Variants in SLBP observed in about 807,000 individuals in gnomAD.
SLBP encodes the protein stem-loop histone mRNA binding protein.
SLBP carries 29 observed loss-of-function variants against 39.2 expected under a neutral mutation model. The observed-to-expected ratio is 0.74, with a 90% CI of 0.55 to 1.01. The LOEUF (loss-of-function observed/expected upper bound fraction) is 1.01, where lower values mean the gene tolerates loss of function less well. Ranked by LOEUF, SLBP falls within the 50% of genes least tolerant of loss-of-function variation. SLBP has a pLI of 0.00. For missense variants in SLBP, 390 were observed against 350.2 expected, an observed-to-expected ratio of 1.11 and a Z score of -0.91; for synonymous variants, 129 against 118.7, an observed-to-expected ratio of 1.09 and a Z score of -0.57.
chr4:1,701,143 T>A (rs1166230555), intron 3 of SLBP, among the ~76,000 whole-genome samples: 1 of 128,726 alleles, frequency 7.8e-6, no homozygotes, highest in Non-Finnish European at 1.8e-5. Flanking sequence ...TTTTCTTTTT[T>A]TTCTTTTTTT....
At chr4:1,700,493 T>A (rs1272980303) in intron 3 of SLBP, among the ~76,000 whole-genome samples, 4 of 151,532 alleles carry the variant, frequency 2.6e-5, no homozygotes, top group Non-Finnish European at 5.9e-5. Context: ...AAGTATGACA[T>A]CTCCAAAAGG....
intron 2 of SLBP, 47 bp downstream of exon 2, chr4:1,711,827 C>G (rs1281622528): frequency 1.9e-6 from 2 of 1,078,756 alleles, no homozygotes; most frequent in East Asian, 3.3e-5. Context: ...AGCCCGCGGC[C>G]TCGTCAAGGG....
chr4:1,699,650 A>T lies in SLBP; in HGVS notation c.393T>A (p.Asp131Glu). ...MSTVPADFET[D>E]ESVLMRRQKQ... ...TCTGTCTCCTCATTAGGACACTTTC[A>T]TCTGTCTCAAAGTCAGCCGGCACAG... The change falls in exon 5 of 8, where the codon GAT becomes GAA. Residue 131 changes from aspartate to glutamate, a missense_variant. Physicochemically the swap from Asp to Glu is conservative, Grantham distance 45 (BLOSUM62 2). Transcript: ENST00000489418. 1 of 1,613,600 alleles carries T rather than the reference A, an allele frequency of 6.2e-7. No homozygotes were observed. The highest frequency in any genetic ancestry group is 8.5e-7 in the Non-Finnish European group (1 of 1,179,518).
At chr4:1,700,419 T>C (rs1716280936) in intron 3 of SLBP, among the ~76,000 whole-genome samples, 1 of 152,146 alleles carries the variant, frequency 6.6e-6, no homozygotes, top group Non-Finnish European at 1.5e-5. Flanking sequence ...TTGTTCCTCA[T>C]GAACTTCCTG....
intron 2 of SLBP, among the ~76,000 whole-genome samples, chr4:1,709,634 C>G (rs1424372430): frequency 6.9e-6 from 1 of 144,036 alleles, no homozygotes; most frequent in Non-Finnish European, 1.5e-5. Flanking sequence ...TTTTTTGAGA[C>G]GGAGTCTCGC....
chr4:1,696,139 G>A (rs1021184333), intron 6 of SLBP, 63 bp downstream of exon 6: 84 of 1,412,432 alleles, frequency 5.9e-5, no homozygotes, highest in Middle Eastern at 1.9e-4. Context: ...CCAGTGGTGC[G>A]CAGCTGCTCC....
At chr4:1,698,609 C>T (rs1306694949) in intron 5 of SLBP, among the ~76,000 whole-genome samples, 2 of 150,624 alleles carry the variant, frequency 1.3e-5, no homozygotes, top group Non-Finnish European at 3.0e-5. Flanking sequence ...CTCAGCCTCC[C>T]GAGTAGCTGG....
chr4:1,694,945 C>A lies in SLBP; in HGVS notation c.630-105G>T, dbSNP rs371833752. The A allele has an allele frequency of 5.5e-4, 439 of 794,850 alleles. 5 individuals are homozygous for A. In the South Asian group the frequency reaches 5.9e-3, roughly 11 times the overall value. 49.2% of individuals were successfully genotyped at this position (794,850 alleles called of 1,614,324 possible). A position where few individuals can be genotyped will look rare whatever the true frequency, so the allele number is the denominator to read the frequency against. On this transcript the variant is annotated intron_variant, in intron 6 of 7. Coordinates refer to ENST00000489418, the MANE Select transcript of SLBP (RefSeq NM_006527.4). ...CCATATGGTACAGCCACAACACTGA[C>A]AGTGTGCCCGAGGCTCCCTGAGGGG...
intron 3 of SLBP, among the ~76,000 whole-genome samples, chr4:1,702,795 T>C (rs1716373558): frequency 6.6e-6 from 1 of 152,172 alleles, no homozygotes; most frequent in African/African-American, 2.4e-5. Flanking sequence ...GAATCCAAGT[T>C]TGAGACCTTT....
chr4:1,709,298 T>A (rs1263980671), intron 2 of SLBP, among the ~76,000 whole-genome samples: 1 of 152,152 alleles, frequency 6.6e-6, no homozygotes, highest in Admixed American at 6.5e-5. Context: ...AAGCTGGCCA[T>A]AAAAATATGG....
chr4:1,702,267 C>T (rs1256548903), intron 3 of SLBP, among the ~76,000 whole-genome samples: 1 of 152,210 alleles, frequency 6.6e-6, no homozygotes, highest in East Asian at 1.9e-4. Flanking sequence ...ACTAAAAACA[C>T]TGGTACTCTC....
At chr4:1,701,377 T>A (rs1194280500) in intron 3 of SLBP, among the ~76,000 whole-genome samples, 1 of 151,998 alleles carries the variant, frequency 6.6e-6, no homozygotes, top group Non-Finnish European at 1.5e-5. Context: ...GAACTCCTGA[T>A]CTCAGGTGAT....
At chr4:1,698,473 TAAA>T (rs552892557) in intron 5 of SLBP, among the ~76,000 whole-genome samples, 6,684 of 124,660 alleles carry the variant, frequency 0.054, 312 homozygotes, top group African/African-American at 0.12. Context: ...TCCAAAAAAG[TAAA>T]AAAAAAAAAA....
intron 2 of SLBP, among the ~76,000 whole-genome samples, chr4:1,708,247 C>T (rs2108664533): frequency 6.6e-6 from 1 of 152,196 alleles, no homozygotes; most frequent in East Asian, 1.9e-4. Context: ...TATGCCCCGT[C>T]ACAAAAAAAT....
rs34503092 is a variant in SLBP, at chr4:1,711,051, TAAA to T, written c.176+820_176+822del. Reference sequence around the variant, plus strand: ...GTGAGACAGAGTGAGACCCTGTCTTTAAAAAAAAAAAAAAAAAAAAAAAAGTAA... The same window carrying T: ...GTGAGACAGAGTGAGACCCTGTCTTTAAAAAAAAAAAAAAAAAAAAAGTAA... On this transcript the variant is annotated intron_variant, in intron 2 of 7. Transcript: ENST00000489418. Among the ~76,000 whole-genome samples the T allele has an allele frequency of 2.6e-3, 310 of 121,496 alleles. 1 individual carries two copies. Among genetic ancestry groups the T allele is most frequent in the African/African-American group, 3.8e-3 (118 of 31,434 alleles). The allele number at this position is 121,496 out of a possible 152,430, so 79.7% of individuals were successfully genotyped here.
chr4:1,711,652 G>A (rs950373806), intron 2 of SLBP, among the ~76,000 whole-genome samples: 4 of 152,236 alleles, frequency 2.6e-5, no homozygotes, highest in African/African-American at 9.6e-5. Flanking sequence ...GCTGACGCCG[G>A]TTCAGCTGAC....
chr4:1,695,570 C>T (rs550766692), intron 6 of SLBP, among the ~76,000 whole-genome samples: 2 of 152,198 alleles, frequency 1.3e-5, no homozygotes, highest in Admixed American at 6.5e-5. Context: ...GAGGCTGAGG[C>T]GGGTAGATCA....
chr4:1,700,043 G>C lies in SLBP; in HGVS notation c.309C>G (p.Asp103Glu), dbSNP rs779946316. Reference protein sequence around the residue: ...ARYKRKLLINDFGRERKSSSG... With the variant: ...ARYKRKLLINEFGRERKSSSG... ...ATGATGATTTTCTCTCTCTTCCAAA[G>C]TCATTGATGAGGAGTTTCCTTTTAT... Residue 103 changes from aspartate (D) to glutamate (E), a missense_variant, in exon 4 of 8, where the codon GAC (aspartate) becomes GAG (glutamate). Transcript: ENST00000489418. The C allele has an allele frequency of 6.2e-7, 1 of 1,600,162 alleles. No homozygotes were observed. Among genetic ancestry groups the C allele is most frequent in the South Asian group, 1.1e-5 (1 of 89,286 alleles).
intron 2 of SLBP, 33 bp downstream of exon 2, chr4:1,711,841 C>T: frequency 1.0e-5 from 12 of 1,195,320 alleles, no homozygotes; most frequent in Non-Finnish European, 1.3e-5. Flanking sequence ...TCAAGGGCCC[C>T]ACCGCGCCCC....
Sources: gnomAD v4.1 joint callset for allele counts (sites outside exome capture counted in the v4.1 genomes callset) on GRCh38, gnomAD v4.1.1 for gene constraint, MANE v1.5 for transcripts, NCBI Gene and HGNC (gene_info 2026-07-23, HGNC 2026-07-21) for gene names.